MAGI1: variants seen among roughly 807,000 people sequenced by gnomAD.
The protein encoded by MAGI1 is membrane associated guanylate kinase, WW and PDZ domain containing 1, also known as membrane-associated guanylate kinase, WW and PDZ domain-containing protein 1.
In MAGI1, 58 loss-of-function variants were observed where a neutral mutation model predicts 139.9. The ratio of observed to expected loss-of-function variants is 0.41; its 90% confidence interval spans 0.34 to 0.52. The LOEUF is 0.52. Among genes scored for constraint, MAGI1 ranks in the 20% least tolerant of loss-of-function variants. The pLI is 0.12. For missense variants in MAGI1, 1,874 were observed against 1,901.6 expected, an observed-to-expected ratio of 0.99 and a Z score of 0.27; for synonymous variants, 812 against 737.9, an observed-to-expected ratio of 1.10 and a Z score of -1.63.
At chr3:65,712,530 T>G (rs1232612850) in intron 1 of MAGI1, among the ~76,000 whole-genome samples, 3 of 151,738 alleles carry the variant, frequency 2.0e-5, no homozygotes, top group African/African-American at 7.3e-5. Flanking sequence ...TTGTTGTTGT[T>G]GAGACAGAGT....
chr3:65,795,285 T>C (rs947575544), intron 1 of MAGI1, among the ~76,000 whole-genome samples: 1 of 152,100 alleles, frequency 6.6e-6, no homozygotes, highest in African/African-American at 2.4e-5. Context: ...TCAACACAGA[T>C]CTTCTTCAAT....
chr3:65,950,079 AAAAAAAAAAAC>A (rs1266897002), intron 1 of MAGI1, among the ~76,000 whole-genome samples: 1 of 46,728 alleles, frequency 2.1e-5, no homozygotes, highest in Non-Finnish European at 5.5e-5. Context: ...AAAAAAAAAC[AAAAAAAAAAAC>A]AAACAAAAAA....
chr3:65,690,640 ATTT>A (rs78131210), intron 1 of MAGI1, among the ~76,000 whole-genome samples: 3 of 130,486 alleles, frequency 2.3e-5, no homozygotes, highest in East Asian at 2.2e-4. Flanking sequence ...TGTATTTTTA[ATTT>A]TTTTTTTTTT....
intron 1 of MAGI1, among the ~76,000 whole-genome samples, chr3:65,979,615 T>C (rs1283462282): frequency 6.6e-6 from 1 of 152,198 alleles, no homozygotes; most frequent in Non-Finnish European, 1.5e-5. Context: ...TTTCTCTTTC[T>C]TTGTTCCTCA....
At chr3:66,013,718 A>C (rs2107517783) in intron 1 of MAGI1, among the ~76,000 whole-genome samples, 1 of 150,560 alleles carries the variant, frequency 6.6e-6, no homozygotes, top group Non-Finnish European at 1.5e-5. Flanking sequence ...CTGAGATCGC[A>C]CCACTGCACT....
At chr3:65,407,035 T>A (rs1181083353) in intron 12 of MAGI1, among the ~76,000 whole-genome samples, 1 of 152,190 alleles carries the variant, frequency 6.6e-6, no homozygotes, top group East Asian at 1.9e-4. Flanking sequence ...GGACTTTAAA[T>A]TTACAATTAA....
intron 2 of MAGI1, among the ~76,000 whole-genome samples, chr3:65,533,510 T>C (rs114415280): frequency 0.023 from 3,578 of 152,312 alleles, 164 homozygotes; most frequent in Admixed American, 0.11. Flanking sequence ...TATCACAAAA[T>C]ATTGACAACT....
chr3:65,912,504 A>G (rs1452578898), intron 1 of MAGI1, among the ~76,000 whole-genome samples: 1 of 152,234 alleles, frequency 6.6e-6, no homozygotes, highest in Non-Finnish European at 1.5e-5. Context: ...ATAAACAAGT[A>G]CATGTTTAAA....
chr3:65,947,938 C>CTTTT (rs763826259), intron 1 of MAGI1, among the ~76,000 whole-genome samples: 5 of 127,876 alleles, frequency 3.9e-5, no homozygotes, highest in Non-Finnish European at 6.6e-5. Flanking sequence ...ATATCTTTCT[C>CTTTT]TTTTTTTTTT....
At chr3:65,442,882 A>AT in intron 7 of MAGI1, 33 bp from the exon 8 acceptor site, 2 of 1,576,622 alleles carry the variant, frequency 1.3e-6, no homozygotes, top group Non-Finnish European at 1.7e-6. Context: ...GGGCAAGAAG[A>AT]GCATATTCTT....
intron 1 of MAGI1, among the ~76,000 whole-genome samples, chr3:65,920,385 T>A (rs1377682891): frequency 6.6e-6 from 1 of 152,200 alleles, no homozygotes; most frequent in Non-Finnish European, 1.5e-5. Flanking sequence ...CAGAACATAT[T>A]GGATCTTCCA....
chr3:65,975,093 A>T (rs1284482534), intron 1 of MAGI1, among the ~76,000 whole-genome samples: 1 of 924 alleles, frequency 1.1e-3, no homozygotes, highest in African/African-American at 1.1e-3. Flanking sequence ...ATAGCTATTT[A>T]AAAAAAAAAA....
At chr3:65,708,857 G>C (rs866638683) in intron 1 of MAGI1, among the ~76,000 whole-genome samples, 5 of 152,128 alleles carry the variant, frequency 3.3e-5, no homozygotes, top group Middle Eastern at 3.2e-3. Context: ...TACCTGGGTA[G>C]GTGATGAACA....
At chr3:65,999,691 C>T (rs932530936) in intron 1 of MAGI1, among the ~76,000 whole-genome samples, 1 of 151,822 alleles carries the variant, frequency 6.6e-6, no homozygotes, top group Non-Finnish European at 1.5e-5. Flanking sequence ...GCTAAGTTCC[C>T]TTTTAAGCCA....
chr3:65,792,170 ATAAT>A (rs966020662), intron 1 of MAGI1, among the ~76,000 whole-genome samples: 11 of 152,208 alleles, frequency 7.2e-5, no homozygotes, highest in Non-Finnish European at 1.3e-4. Context: ...ATAGCCATTA[ATAAT>A]TAATAGCAAG....
At chr3:65,984,545 TG>T (rs1267489845) in intron 1 of MAGI1, among the ~76,000 whole-genome samples, 1 of 147,838 alleles carries the variant, frequency 6.8e-6, no homozygotes, top group East Asian at 2.0e-4. Flanking sequence ...TGTGTGTGTG[TG>T]TGTGACAGGG....
At chr3:65,710,834 C>T (rs1359754165) in intron 1 of MAGI1, among the ~76,000 whole-genome samples, 1 of 152,124 alleles carries the variant, frequency 6.6e-6, no homozygotes, top group African/African-American at 2.4e-5. Context: ...CTAAGGAGTC[C>T]GTTTTAAATA....
At chr3:65,365,173 C>A (rs1941295882) in intron 18 of MAGI1, 1 of 721,172 alleles carries the variant, frequency 1.4e-6, no homozygotes, top group Non-Finnish European at 2.6e-6. Flanking sequence ...AAACAGACAT[C>A]TCCACAAATA....
chr3:65,490,659 C>T (rs926383605), intron 3 of MAGI1, among the ~76,000 whole-genome samples: 24 of 151,800 alleles, frequency 1.6e-4, no homozygotes, highest in Admixed American at 5.2e-4. Context: ...TCCTGGCCAA[C>T]ACGGTGAAAC....
Sources: gnomAD v4.1 joint callset for allele counts (sites outside exome capture counted in the v4.1 genomes callset) on GRCh38, gnomAD v4.1.1 for gene constraint, MANE v1.5 for transcripts, NCBI Gene and HGNC (gene_info 2026-07-23, HGNC 2026-07-21) for gene names.